The following NINL variants were observed in gnomAD, a reference collection of about 807,000 sequenced individuals.
NINL encodes the protein ninein like.
A neutral mutation model predicts 160.3 loss-of-function variants in NINL; 153 were observed. The ratio of observed to expected loss-of-function variants is 0.95; its 90% CI spans 0.84 to 1.09. NINL has a LOEUF of 1.09. Among genes scored for constraint, NINL ranks in the 50% least tolerant of loss-of-function variants. NINL has a pLI of 0.00. For synonymous variants in NINL, 800 were observed against 734.8 expected (o/e 1.09, Z -1.43); for missense variants, 1,829 against 1,764.0 (o/e 1.04, Z -0.66).
Position 25,553,238 on chromosome 20 carries a change from G to A in NINL, c.-11-26640C>T, listed in dbSNP as rs906597747. Among the ~76,000 whole-genome samples the A allele has an allele frequency of 3.3e-5, 5 of 151,630 alleles. No individual in the cohort carries two copies. In the East Asian group the frequency reaches 9.7e-4, roughly 29 times the overall value. On this transcript the variant is annotated intron_variant, in intron 1 of 23. Coordinates refer to ENST00000278886, the MANE Select transcript of NINL (RefSeq NM_025176.6). ...CCACCTCAGCTGCCCAAGTGGGTGG[G>A]ACTACAGGTACCTGCCACCACATGC... is the stretch of plus-strand genomic sequence containing the variant.
At chr20:25,512,504 T>C (rs2064088228) in intron 4 of NINL, among the ~76,000 whole-genome samples, 2 of 152,192 alleles carry the variant, frequency 1.3e-5, no homozygotes, top group African/African-American at 2.4e-5. Flanking sequence ...TCTCCAGTCA[T>C]GTAAGACATG....
At position 25,526,591 on chromosome 20, in the gene NINL, A is replaced by G. The variant is rs959637204; in HGVS notation, c.-4T>C. The G allele has an allele frequency of 1.2e-6, 2 of 1,612,674 alleles. No individual in the cohort carries two copies. Among genetic ancestry groups the G allele is most frequent in the Non-Finnish European group, 8.5e-7 (1 of 1,178,762 alleles). ...AGTGGTTCTCTTCTTCATCCATCCC[A>G]TAGCAGGCTGGCAGTGTGCAAGGGA... On this transcript the variant is annotated 5_prime_UTR_variant, in exon 2 of 24. The change abolishes an upstream ATG in the 5' untranslated region. Transcript: ENST00000278886.
At position 25,454,887 on chromosome 20, in the gene NINL, G is replaced by C. The variant is rs150680999; in HGVS notation, c.3957+786C>G. 6.2e-4 allele frequency among the ~76,000 whole-genome samples: 95 copies of C among 152,194 alleles called. 4 individuals are homozygous for C. The East Asian group carries it at 0.018, about 29-fold the overall frequency. Reference sequence around the variant, plus strand: ...CCCAAGTGACTTTTTCCCTAGTATGGTTTCTTTTAAAAGATAGATCCTGTC... The same window carrying C: ...CCCAAGTGACTTTTTCCCTAGTATGCTTTCTTTTAAAAGATAGATCCTGTC... On this transcript the variant is annotated intron_variant, in intron 23 of 23. Coordinates refer to ENST00000278886, the MANE Select transcript of NINL (RefSeq NM_025176.6).
At chr20:25,585,120 C>T (rs1309602224) in intron 1 of NINL, among the ~76,000 whole-genome samples, 1 of 152,188 alleles carries the variant, frequency 6.6e-6, no homozygotes, top group Non-Finnish European at 1.5e-5. Flanking sequence ...CCAAGGCCGC[C>T]CGCCTCAGGC....
At chr20:25,464,740 C>T (rs921217353) in intron 19 of NINL, among the ~76,000 whole-genome samples, 2 of 152,230 alleles carry the variant, frequency 1.3e-5, no homozygotes, top group African/African-American at 4.8e-5. Context: ...TCCTTCCCGG[C>T]ACAGGATCAG....
intron 1 of NINL, among the ~76,000 whole-genome samples, chr20:25,526,937 G>A (rs968728410): frequency 1.3e-5 from 2 of 152,180 alleles, no homozygotes; most frequent in East Asian, 1.9e-4. Context: ...AGAAAAAGGC[G>A]GGAGGACTGC....
At position 25,458,241 on chromosome 20, in the gene NINL, A is replaced by G. The variant is rs1023990202; in HGVS notation, c.3843+142T>C. 3.5e-6 allele frequency: 4 copies of G among 1,156,948 alleles called. No homozygotes were observed. The East Asian group carries it at 9.4e-5, about 27-fold the overall frequency. The allele number at this position is 1,156,948 out of a possible 1,614,324, so 71.7% of individuals were successfully genotyped here. On this transcript the variant is annotated intron_variant, in intron 22 of 23. Transcript: ENST00000278886. ...TTAAAACCACACTGCCTCTCTCCCT[A>G]CAGCCTTCCTTACCATCTGACATGC... is the stretch of plus-strand genomic sequence containing the variant.
chr20:25,472,575 G>C (rs1167946560), intron 17 of NINL, among the ~76,000 whole-genome samples: 1 of 150,116 alleles, frequency 6.7e-6, no homozygotes, highest in Non-Finnish European at 1.5e-5. Flanking sequence ...TGCCGCCCAG[G>C]CTGGAGTGCA....
At chr20:25,513,098 C>G in intron 3 of NINL, 92 bp from the exon 4 acceptor site, 1 of 1,323,792 alleles carries the variant, frequency 7.6e-7, no homozygotes. Flanking sequence ...GGTGCACACT[C>G]AGCACCGAGT....
At chr20:25,458,020 G>A (rs1326131200) in intron 22 of NINL, among the ~76,000 whole-genome samples, 4 of 152,136 alleles carry the variant, frequency 2.6e-5, no homozygotes, top group Admixed American at 6.5e-5. Flanking sequence ...CACTGCCCAC[G>A]GCACCTGCCG....
chr20:25,548,053 A>C (rs1040750538), intron 1 of NINL, among the ~76,000 whole-genome samples: 2 of 152,210 alleles, frequency 1.3e-5, no homozygotes, highest in Non-Finnish European at 2.9e-5. Context: ...CCTGGGATCC[A>C]CTGGGCAGAT....
intron 1 of NINL, among the ~76,000 whole-genome samples, chr20:25,572,494 T>G (rs2065065644): frequency 6.6e-6 from 1 of 152,124 alleles, no homozygotes; most frequent in Non-Finnish European, 1.5e-5. Context: ...TCCTAGGCAC[T>G]TTGGAATTTA....
Position 25,481,997 on chromosome 20 carries a change from C to T in NINL, c.1781G>A (p.Arg594Lys). Reference sequence around the variant, plus strand: ...TGGGCCGAGTCCAGGGAGCTGCCGTCTGCGCCCATCCGGGCTCCATGAGGG... The same window carrying T: ...TGGGCCGAGTCCAGGGAGCTGCCGTTTGCGCCCATCCGGGCTCCATGAGGG... ...HSPSWSPDGR[R>K]RQLPGLGPAG... Residue 594 changes from arginine (R) to lysine (K), a missense_variant, in exon 14 of 24, where the codon AGA becomes AAA. Physicochemically the swap from Arg to Lys is conservative, Grantham distance 26. Transcript: ENST00000278886. 1 of 1,598,334 alleles carries T rather than the reference C, an allele frequency of 6.3e-7. No individual in the cohort carries two copies. The highest frequency in any genetic ancestry group is 8.5e-7 in the Non-Finnish European group (1 of 1,179,496).
intron 7 of NINL, 55 bp downstream of exon 7, chr20:25,503,897 A>T: frequency 2.5e-6 from 4 of 1,608,116 alleles, no homozygotes; most frequent in Non-Finnish European, 2.6e-6. Context: ...AGTTTTAGTC[A>T]CCAGAGAGTG....
chr20:25,453,902 A>C (rs546008535), intron 23 of NINL, among the ~76,000 whole-genome samples: 2 of 152,138 alleles, frequency 1.3e-5, no homozygotes, highest in African/African-American at 4.8e-5. Flanking sequence ...ATACAAAAAA[A>C]TTAGCTGGGC....
chr20:25,469,451 G>A (rs2041552332), intron 18 of NINL, among the ~76,000 whole-genome samples: 1 of 146,436 alleles, frequency 6.8e-6, no homozygotes, highest in South Asian at 2.2e-4. Context: ...CCTGTCCCCT[G>A]ACTCTCACTG....
Position 25,453,393 on chromosome 20 carries a change from C to T in NINL, c.*58G>A. The stretch of plus-strand genomic sequence containing the variant: ...TCATGACCCACGGAATCTAAGGCAG[C>T]ACAGTGGCTTAATTTAAAAGATGTG... On this transcript the variant is annotated 3_prime_UTR_variant, in exon 24 of 24. Transcript: ENST00000278886. The T allele has an allele frequency of 6.8e-7, 1 of 1,480,754 alleles. No homozygotes were observed. The highest frequency in any genetic ancestry group is 1.4e-5 in the African/African-American group (1 of 71,898). The allele number at this position is 1,480,754 out of a possible 1,614,324, so 91.7% of individuals were successfully genotyped here.
At chr20:25,477,169 G>C (rs996960775) in intron 16 of NINL, 80 bp from the exon 17 acceptor site, 6 of 1,330,372 alleles carry the variant, frequency 4.5e-6, no homozygotes, top group Non-Finnish European at 6.0e-6. Context: ...CCCAGCTGTT[G>C]CAACGGCTGC....
At chr20:25,459,675 A>G (rs1227622987) in intron 21 of NINL, among the ~76,000 whole-genome samples, 1 of 151,862 alleles carries the variant, frequency 6.6e-6, no homozygotes, top group East Asian at 1.9e-4. Flanking sequence ...AGGTCCTTGG[A>G]CTGCACCACC....
Sources: gnomAD v4.1 joint callset for allele counts (sites outside exome capture counted in the v4.1 genomes callset) on GRCh38, gnomAD v4.1.1 for gene constraint, MANE v1.5 for transcripts, NCBI Gene and HGNC (gene_info 2026-07-23, HGNC 2026-07-21) for gene names.